SMCHD1: variants seen among roughly 807,000 people sequenced by gnomAD.
The protein encoded by SMCHD1 is structural maintenance of chromosomes flexible hinge domain-containing protein 1.
Under a neutral mutation model 254.7 loss-of-function variants are expected in SMCHD1, and 78 were observed. The ratio of observed to expected loss-of-function variants is 0.31; its 90% CI spans 0.26 to 0.37. The LOEUF (loss-of-function observed/expected upper bound fraction) is 0.37. Among genes scored for constraint, SMCHD1 ranks in the 10% least tolerant of loss-of-function variants. SMCHD1 has a pLI of 1.00. For missense variants in SMCHD1, 1,840 were observed against 2,408.1 expected (o/e 0.76, Z 4.94); for synonymous variants, 766 against 794.9 (o/e 0.96, Z 0.61).
At chr18:2,713,906 C>A (rs1483514906) in intron 17 of SMCHD1, among the ~76,000 whole-genome samples, 3 of 152,124 alleles carry the variant, frequency 2.0e-5, no homozygotes, top group African/African-American at 7.2e-5. Context: ...GGCCTTTCTT[C>A]AAGAATGTTC....
rs142715237 is a variant in SMCHD1, at chr18:2,678,223, TTTTC to T, written c.638+4095_638+4098del. Among the ~76,000 whole-genome samples, 439 of 139,062 alleles carry T rather than the reference TTTTC, an allele frequency of 3.2e-3. 1 individual carries two copies. Among genetic ancestry groups the T allele is most frequent in the African/African-American group, 0.011 (418 of 37,838 alleles). 91.2% of individuals were successfully genotyped at this position (139,062 alleles called of 152,430 possible). On this transcript the variant is annotated intron_variant, in intron 5 of 47. Transcript: ENST00000320876. ...TCTTTTCTTTCTTTTCTTTCTTTCT[TTTTC>T]TTTCTTTCTTTCTTTCGTTCTTTCT...
chr18:2,703,961 A>G, intron 13 of SMCHD1, 75 bp downstream of exon 13: 1 of 1,133,200 alleles, frequency 8.8e-7, no homozygotes, highest in South Asian at 2.3e-5. Context: ...AATCACATGT[A>G]TAGAAAATAA....
chr18:2,784,388 C>A, intron 44 of SMCHD1, 62 bp from the exon 45 acceptor site: 1 of 1,346,290 alleles, frequency 7.4e-7, no homozygotes. Context: ...TAAATTATTT[C>A]TCCTTTTTTG....
In SMCHD1 at chr18:2,721,621, T is replaced by A. The variant is rs536181224; in HGVS notation, c.2459-898T>A. Among the ~76,000 whole-genome samples, 131 of 152,284 alleles carry A rather than the reference T, an allele frequency of 8.6e-4. 1 individual carries two copies. Among genetic ancestry groups the A allele is most frequent in the African/African-American group, 3.1e-3 (127 of 41,556 alleles). On this transcript the variant is annotated intron_variant, in intron 19 of 47. Coordinates refer to ENST00000320876, the MANE Select transcript of SMCHD1 (RefSeq NM_015295.3). Reference sequence around the variant, plus strand: ...ATCTCTTTAGGGTGATACCAAGAAGTGGACATCCCAAAAGGCTATGCCATG... The same window carrying A: ...ATCTCTTTAGGGTGATACCAAGAAGAGGACATCCCAAAAGGCTATGCCATG...
At chr18:2,712,229 T>C (rs2509470) in intron 17 of SMCHD1, among the ~76,000 whole-genome samples, 1 of 117,686 alleles carries the variant, frequency 8.5e-6, no homozygotes, top group Admixed American at 9.0e-5. Flanking sequence ...GTTTTCTTTT[T>C]CCTTTTTTTT....
At chr18:2,753,172 C>T (rs765172552) in intron 34 of SMCHD1, 21 of 152,228 alleles carry the variant, frequency 1.4e-4, no homozygotes, top group Admixed American at 6.6e-5. Flanking sequence ...TTTAGAGTTC[C>T]GTTTATCTTA....
At chr18:2,717,778 G>A (rs1300636669) in intron 17 of SMCHD1, among the ~76,000 whole-genome samples, 2 of 151,730 alleles carry the variant, frequency 1.3e-5, no homozygotes, top group Non-Finnish European at 2.9e-5. Context: ...TAAACATTTC[G>A]GATTTGTTCA....
intron 17 of SMCHD1, among the ~76,000 whole-genome samples, chr18:2,710,963 T>C (rs1269247042): frequency 1.3e-5 from 2 of 152,018 alleles, no homozygotes; most frequent in Admixed American, 6.6e-5. Context: ...ATTGCGTTGA[T>C]TGGTTGTTTT....
rs2074856015 is a variant in SMCHD1 at position 2,718,705 on chromosome 18, G to A, written c.2458+271G>A. ...CGAGTAGCTGGGATTACAGGCGCCC[G>A]CCACCACACCTGGCTTTTTGTATTT... is the stretch of plus-strand genomic sequence containing the variant. On this transcript the variant is annotated intron_variant, in intron 19 of 47. Transcript: ENST00000320876. The surrounding 1 kb of genome is among the most constrained non-coding windows in gnomAD (Gnocchi z 4.6). 6.6e-6 allele frequency among the ~76,000 whole-genome samples: 1 copy of A among 151,874 alleles called. No homozygotes were observed.
At chr18:2,759,587 T>TTTTTTTTTTTTG (rs1598412921) in intron 34 of SMCHD1, among the ~76,000 whole-genome samples, 1 of 145,638 alleles carries the variant, frequency 6.9e-6, no homozygotes, top group Non-Finnish European at 1.5e-5. Context: ...TTTTTTTTTT[T>TTTTTTTTTTTTG]GAGATAGAGT....
At chr18:2,749,231 T>C (rs2075526167) in intron 30 of SMCHD1, among the ~76,000 whole-genome samples, 1 of 152,204 alleles carries the variant, frequency 6.6e-6, no homozygotes, top group Non-Finnish European at 1.5e-5. Context: ...CAAGTACCCT[T>C]TCTCATTTTT....
chr18:2,658,812 A>G (rs1326007820), intron 1 of SMCHD1, among the ~76,000 whole-genome samples: 1 of 151,638 alleles, frequency 6.6e-6, no homozygotes, highest in African/African-American at 2.4e-5. Flanking sequence ...TTATGTATAC[A>G]TATACATATA....
At chr18:2,672,704 A>G (rs953466126) in intron 3 of SMCHD1, among the ~76,000 whole-genome samples, 5 of 152,226 alleles carry the variant, frequency 3.3e-5, no homozygotes, top group Non-Finnish European at 7.3e-5. Context: ...GATAAATTGA[A>G]TGTCACGTTG....
chr18:2,791,485 TGTGA>T (rs2143841936), intron 45 of SMCHD1, among the ~76,000 whole-genome samples: 1 of 152,306 alleles, frequency 6.6e-6, no homozygotes, highest in Admixed American at 6.5e-5. Context: ...CTGAGGTTGC[TGTGA>T]GCCGTGATTG....
chr18:2,770,835 G>C (rs759279014), intron 39 of SMCHD1, among the ~76,000 whole-genome samples: 1 of 152,032 alleles, frequency 6.6e-6, no homozygotes, highest in Non-Finnish European at 1.5e-5. Flanking sequence ...TGGCCGGGCT[G>C]GTCTCGAACT....
chr18:2,770,890 A>G (rs376183680), intron 39 of SMCHD1, among the ~76,000 whole-genome samples: 123 of 152,244 alleles, frequency 8.1e-4, no homozygotes, highest in South Asian at 4.1e-3. Context: ...ACAAAGTGCT[A>G]GGATTACAGG....
intron 12 of SMCHD1, among the ~76,000 whole-genome samples, chr18:2,703,354 C>A (rs966811797): frequency 1.3e-5 from 2 of 152,114 alleles, no homozygotes; most frequent in Admixed American, 1.3e-4. Context: ...CCACTCATCC[C>A]TTTTGTGGAG....
intron 17 of SMCHD1, among the ~76,000 whole-genome samples, chr18:2,713,517 C>T (rs2074726240): frequency 1.4e-5 from 2 of 140,898 alleles, no homozygotes; most frequent in South Asian, 2.5e-4. Flanking sequence ...AACCCCGTCT[C>T]TACTAAGAAG....
At chr18:2,702,941 G>T (rs1207778359) in intron 12 of SMCHD1, among the ~76,000 whole-genome samples, 1 of 152,098 alleles carries the variant, frequency 6.6e-6, no homozygotes, top group Non-Finnish European at 1.5e-5. Flanking sequence ...TTGCCCTAGA[G>T]GCAGGCATCA....
Sources: gnomAD v4.1 joint callset for allele counts (sites outside exome capture counted in the v4.1 genomes callset) on GRCh38, gnomAD v4.1.1 for gene constraint, Gnocchi (gnomAD v3.1) non-coding constraint, MANE v1.5 for transcripts, NCBI Gene and HGNC (gene_info 2026-07-23, HGNC 2026-07-21) for gene names.